The following KDM1B variants were observed in gnomAD, a reference collection of about 807,000 sequenced individuals.
KDM1B encodes lysine-specific histone demethylase 2.
In KDM1B, 63 loss-of-function variants were observed where a neutral mutation model predicts 107.4. The ratio of observed to expected loss-of-function variants is 0.59; its 90% CI spans 0.48 to 0.72. KDM1B has a LOEUF of 0.72. Among genes scored for constraint, KDM1B ranks in the 30% least tolerant of loss-of-function variants. The pLI, the probability that KDM1B is intolerant of heterozygous loss-of-function variation, is 0.00. For missense variants in KDM1B, 749 were observed against 1,020.8 expected (o/e 0.73, Z 3.63); for synonymous variants, 363 against 363.9 (o/e 1.00, Z 0.03).
rs1312166957 is a variant in KDM1B at position 18,171,383 on chromosome 6, G to A, written c.438G>A (p.Glu146=). 6.2e-7 allele frequency: 1 copy of A among 1,606,842 alleles called. No individual in the cohort carries two copies. The highest frequency in any genetic ancestry group is 1.1e-5 in the South Asian group (1 of 90,932). ...LPYWVQCTKP[E]CRKWRQLTKE... is the part of the protein sequence containing the mutation. Reference sequence around the variant, plus strand: ...TCTAGGTTCAGTGTACAAAACCTGAGTGTAGAAAATGGAGGCAGCTTACCA... The same window carrying A: ...TCTAGGTTCAGTGTACAAAACCTGAATGTAGAAAATGGAGGCAGCTTACCA... Residue 146 remains glutamate (E), a synonymous_variant, in exon 7 of 22, where the codon GAG becomes GAA. Coordinates refer to ENST00000650836, the MANE Select transcript of KDM1B (RefSeq NM_001364614.2).
At chr6:18,160,747 A>T (rs1002430295) in intron 3 of KDM1B, among the ~76,000 whole-genome samples, 8 of 151,898 alleles carry the variant, frequency 5.3e-5, no homozygotes, top group African/African-American at 1.7e-4. Context: ...CAAAAAAAAA[A>T]ATAGAGGGTA....
chr6:18,165,867 T>C (rs1170931020), intron 5 of KDM1B, among the ~76,000 whole-genome samples: 1 of 152,086 alleles, frequency 6.6e-6, no homozygotes, highest in African/African-American at 2.4e-5. Context: ...TATTCGGAAC[T>C]GGTTCCAGCT....
At chr6:18,196,512 A>T (rs2150957685) in intron 10 of KDM1B, among the ~76,000 whole-genome samples, 1 of 152,206 alleles carries the variant, frequency 6.6e-6, no homozygotes, top group Non-Finnish European at 1.5e-5. Context: ...TAGCCATTTT[A>T]ACAGGTGTGA....
At chr6:18,208,890 A>G (rs1041934819) in intron 17 of KDM1B, among the ~76,000 whole-genome samples, 11 of 149,240 alleles carry the variant, frequency 7.4e-5, no homozygotes, top group South Asian at 2.1e-4. Flanking sequence ...TCCTGACCTC[A>G]TGATCCGCCC....
In KDM1B at chr6:18,217,920, T is replaced by G. The variant is rs1330462916; in HGVS notation, c.2385+35T>G. The G allele has an allele frequency of 2.5e-6, 4 of 1,593,902 alleles. No homozygotes were observed. In the East Asian group the frequency reaches 6.7e-5, roughly 27 times the overall value. On this transcript the variant is annotated intron_variant, in intron 21 of 21. Transcript: ENST00000650836. ...TTGATTCCAAACCCAATTATTTGTA[T>G]TTTGATTTCTGTCTTTCATCTAAAA... is the stretch of plus-strand genomic sequence containing the variant.
rs531908957 is a variant in KDM1B at position 18,168,353 on chromosome 6, C to T, written c.417+1975C>T. 9.2e-5 allele frequency among the ~76,000 whole-genome samples: 14 copies of T among 152,332 alleles called. No homozygotes were observed. The East Asian group carries it at 2.7e-3, about 29-fold the overall frequency. ...TTTGGATGTTTCATATGAATGGAAT[C>T]GTGCAACATGTAAACTTTTGTATCT... On this transcript the variant is annotated intron_variant, in intron 6 of 21. Transcript: ENST00000650836.
Position 18,222,409 on chromosome 6 carries a change from T to C in KDM1B, c.*417T>C, listed in dbSNP as rs1327184423. 6.5e-6 allele frequency: 2 copies of C among 306,988 alleles called. No individual in the cohort carries two copies. Among genetic ancestry groups the C allele is most frequent in the African/African-American group, 4.4e-5 (2 of 45,414 alleles). 19.0% of individuals were successfully genotyped at this position (306,988 alleles called of 1,614,324 possible). On this transcript the variant is annotated 3_prime_UTR_variant, in exon 22 of 22. Coordinates refer to ENST00000650836, the MANE Select transcript of KDM1B (RefSeq NM_001364614.2). Reference sequence around the variant, plus strand: ...ACCAGATAAAGCCATGTTTTTCTTCTGTGACAATTTATCAGTATCTTTACC... The same window carrying C: ...ACCAGATAAAGCCATGTTTTTCTTCCGTGACAATTTATCAGTATCTTTACC...
rs551244398 is a variant in KDM1B at position 18,219,946 on chromosome 6, G to A, written c.2386-1963G>A. ...CTGATCTCTAAGTCACATCTCTGAG[G>A]AGTTGCAGCCGGTCAAGTGGGGAAT... On this transcript the variant is annotated intron_variant, in intron 21 of 21. Transcript: ENST00000650836. Among the ~76,000 whole-genome samples the A allele has an allele frequency of 6.6e-5, 10 of 152,280 alleles. No homozygotes were observed. In the South Asian group the frequency reaches 1.2e-3, roughly 19 times the overall value.
At chr6:18,167,171 A>T (rs1785353347) in intron 6 of KDM1B, among the ~76,000 whole-genome samples, 1 of 151,944 alleles carries the variant, frequency 6.6e-6, no homozygotes. Context: ...CCTGGCCAAC[A>T]TGGGGAAACC....
At chr6:18,194,215 A>G (rs1787493746) in intron 10 of KDM1B, among the ~76,000 whole-genome samples, 1 of 152,048 alleles carries the variant, frequency 6.6e-6, no homozygotes, top group Non-Finnish European at 1.5e-5. Context: ...GGTTTCAACC[A>G]TGTTGGCCAG....
At position 18,201,754 on chromosome 6, in the gene KDM1B, G is replaced by A. The variant is rs528939246; in HGVS notation, c.1531+97G>A. The stretch of plus-strand genomic sequence containing the variant: ...TTGTTCATTTGCGAGGTCGGATGTC[G>A]GCAACAGGGTAGCCCTCCTGAGCAT... On this transcript the variant is annotated intron_variant, in intron 14 of 21. Transcript: ENST00000650836. This position sits in a 1 kb window ranked among gnomAD's most constrained non-coding sequence, Gnocchi z 4.3. 11 of 1,026,412 alleles carry A rather than the reference G, an allele frequency of 1.1e-5. No homozygotes were observed. Among genetic ancestry groups the A allele is most frequent in the Admixed American group, 2.8e-5 (1 of 35,872 alleles). 63.6% of individuals were successfully genotyped at this position (1,026,412 alleles called of 1,614,324 possible). A position where few individuals can be genotyped will look rare whatever the true frequency, so the allele number is the denominator to read the frequency against.
chr6:18,221,984 G>C lies in KDM1B; in HGVS notation c.2461G>C (p.Ala821Pro). ...CGTTCGAGAAGCAAGCAAGATTGCA[G>C]CATTTTAAGAATTCGGTGGACCCAG... ...SGVREASKIAAF is the reference protein window; with the variant it reads ...SGVREASKIAPF Residue 821 changes from alanine to proline, a missense_variant, in exon 22 of 22, where the codon GCA (alanine) becomes CCA (proline). Physicochemically the swap from Ala to Pro is conservative, Grantham distance 27 (BLOSUM62 -1). Coordinates refer to ENST00000650836, the MANE Select transcript of KDM1B (RefSeq NM_001364614.2). The C allele has an allele frequency of 6.2e-7, 1 of 1,613,998 alleles. No individual in the cohort carries two copies. Among genetic ancestry groups the C allele is most frequent in the Non-Finnish European group, 8.5e-7 (1 of 1,179,908 alleles).
Position 18,212,511 on chromosome 6 carries a change from T to G in KDM1B, c.1890T>G (p.Ala630=), listed in dbSNP as rs1788919431. 2 of 1,613,326 alleles carry G rather than the reference T, an allele frequency of 1.2e-6. No homozygotes were observed. Among genetic ancestry groups the G allele is most frequent in the African/African-American group, 2.7e-5 (2 of 74,916 alleles). ...AGGTATTAGTCACTGTACCACTGGC[T>G]TTACTACAGAAAGGTGCCATTCAGT... ...AQKVLVTVPL[A]LLQKGAIQFN... Residue 630 remains alanine, a synonymous_variant, in exon 18 of 22, where the codon GCT becomes GCG. Transcript: ENST00000650836. The surrounding 1 kb of genome is among the most constrained non-coding windows in gnomAD (Gnocchi z 5.2).
At chr6:18,184,273 C>CTTTTTT (rs1163110910) in intron 7 of KDM1B, among the ~76,000 whole-genome samples, 6,586 of 116,300 alleles carry the variant, frequency 0.057, 324 homozygotes, top group South Asian at 0.12. Flanking sequence ...GTTCTAGCTT[C>CTTTTTT]TTTTTTTTTT....
chr6:18,193,194 TA>T lies in KDM1B; in HGVS notation c.969+1834del, dbSNP rs541938365. ...TGGGCAACAAGAACGAAACTCTGTC[TA>T]AAAAAAAAAAAAAAAAAAAAGAATT... On this transcript the variant is annotated intron_variant, in intron 10 of 21. Coordinates refer to ENST00000650836, the MANE Select transcript of KDM1B (RefSeq NM_001364614.2). Among the ~76,000 whole-genome samples the T allele has an allele frequency of 5.6e-3, 335 of 60,088 alleles. 1 individual carries two copies. The highest frequency in any genetic ancestry group is 0.032 in the East Asian group (55 of 1,722). 39.4% of individuals were successfully genotyped at this position (60,088 alleles called of 152,430 possible).
intron 10 of KDM1B, among the ~76,000 whole-genome samples, chr6:18,193,102 G>A (rs28672310): frequency 0.018 from 2,764 of 150,358 alleles, 69 homozygotes; most frequent in African/African-American, 0.064. Flanking sequence ...GGCTGAGGCA[G>A]GAGAATCGCT....
At chr6:18,170,800 G>C (rs1173214217) in intron 6 of KDM1B, among the ~76,000 whole-genome samples, 1 of 151,554 alleles carries the variant, frequency 6.6e-6, no homozygotes, top group African/African-American at 2.4e-5. Context: ...CTTTAGGTTA[G>C]AGCTGGAAAA....
In KDM1B at chr6:18,179,857, T is replaced by C. The variant is rs1219431701; in HGVS notation, c.535-5915T>C. 5.8e-5 allele frequency among the ~76,000 whole-genome samples: 7 copies of C among 120,774 alleles called. 2 individuals are homozygous for C. Among genetic ancestry groups the C allele is most frequent in the Middle Eastern group, 7.9e-3 (2 of 254 alleles). The allele number at this position is 120,774 out of a possible 152,430, so 79.2% of individuals were successfully genotyped here. Reference sequence around the variant, plus strand: ...TAGCATTGGTTTTTTTTCCTTTTTTTTTTTTTTTTTTTTTTTTTTTTCATA... The same window carrying C: ...TAGCATTGGTTTTTTTTCCTTTTTTCTTTTTTTTTTTTTTTTTTTTTCATA... On this transcript the variant is annotated intron_variant, in intron 7 of 21. Coordinates refer to ENST00000650836, the MANE Select transcript of KDM1B (RefSeq NM_001364614.2).
intron 9 of KDM1B, among the ~76,000 whole-genome samples, chr6:18,189,973 G>A (rs432677): frequency 0.1 from 15,903 of 151,578 alleles, 914 homozygotes; most frequent in South Asian, 0.22. Flanking sequence ...GTGAAACTCC[G>A]TCTCTACTAA....
Sources: allele counts gnomAD v4.1 joint callset (sites outside exome capture counted in the v4.1 genomes callset), GRCh38; gene constraint gnomAD v4.1.1; non-coding constraint Gnocchi (gnomAD v3.1); transcripts MANE v1.5; gene names NCBI Gene and HGNC (gene_info 2026-07-23, HGNC 2026-07-21).